MPPED2: variants seen among roughly 807,000 people sequenced by gnomAD.
MPPED2 encodes the protein metallophosphoesterase domain containing 2.
Under a neutral mutation model 33.0 loss-of-function variants are expected in MPPED2, and 5 were observed. That is an observed-to-expected ratio of 0.15 (90% CI 0.08 to 0.32). The LOEUF (loss-of-function observed/expected upper bound fraction) is 0.32, where lower values mean the gene tolerates loss of function less well. MPPED2 is among the 10% of genes least tolerant of loss of function. The pLI is 1.00. For missense variants in MPPED2, 275 were observed against 372.1 expected (o/e 0.74, Z 2.15); for synonymous variants, 136 against 141.9 (o/e 0.96, Z 0.29).
In MPPED2 at chr11:30,437,872, A is replaced by T. The variant is rs74568697; in HGVS notation, c.537-20239T>A. On this transcript the variant is annotated intron_variant, in intron 4 of 6. Transcript: ENST00000358117. ...AAAGCTGATGGGGCCTGAACAACCT[A>T]ACCCAGTCCAACTGATAGCAGCCCA... is the stretch of plus-strand genomic sequence containing the variant. 5.9e-3 allele frequency among the ~76,000 whole-genome samples: 894 copies of T among 152,214 alleles called. 16 individuals are homozygous for T. The highest frequency in any genetic ancestry group is 0.021 in the African/African-American group (853 of 41,540).
intron 2 of MPPED2, among the ~76,000 whole-genome samples, 169 bp downstream of exon 2, chr11:30,580,077 A>G (rs1445586280): frequency 6.6e-6 from 1 of 152,218 alleles, no homozygotes; most frequent in Non-Finnish European, 1.5e-5. Context: ...AATGTTACAC[A>G]GATGTATGGG....
At chr11:30,405,293 A>C (rs1229490292), downstream of MPPED2, among the ~76,000 whole-genome samples, 3 of 152,206 alleles carry the variant, frequency 2.0e-5, no homozygotes, top group African/African-American at 7.2e-5. Flanking sequence ...ATGGGCTATG[A>C]AATCACAGGC....
chr11:30,581,375 G>T (rs768401010), intron 1 of MPPED2, among the ~76,000 whole-genome samples: 5 of 152,108 alleles, frequency 3.3e-5, no homozygotes, highest in South Asian at 2.1e-4. Flanking sequence ...TTGCTGCACT[G>T]GGTTGAGAAA....
At chr11:30,494,212 C>A (rs779312727) in intron 4 of MPPED2, among the ~76,000 whole-genome samples, 5 of 151,968 alleles carry the variant, frequency 3.3e-5, no homozygotes, top group Non-Finnish European at 5.9e-5. Flanking sequence ...CTAATCTAAG[C>A]AAGATATTTT....
chr11:30,547,820 G>T (rs1472742826), intron 2 of MPPED2, among the ~76,000 whole-genome samples: 1 of 101,716 alleles, frequency 9.8e-6, no homozygotes, highest in East Asian at 2.1e-4. Flanking sequence ...ACAGGTGTTT[G>T]CATATCTGTA....
intron 4 of MPPED2, among the ~76,000 whole-genome samples, chr11:30,439,113 G>C (rs925168873): frequency 7.9e-5 from 12 of 152,220 alleles, no homozygotes; most frequent in African/African-American, 2.9e-4. Context: ...GAAAGGAATG[G>C]AGTCTAGTTA....
intron 2 of MPPED2, among the ~76,000 whole-genome samples, chr11:30,570,142 T>C (rs1956627720): frequency 6.6e-6 from 1 of 152,110 alleles, no homozygotes; most frequent in Non-Finnish European, 1.5e-5. Context: ...ATAAAAGACA[T>C]GCATTTATCT....
intron 5 of MPPED2, 85 bp from the exon 6 acceptor site, chr11:30,414,426 G>A: frequency 1.2e-6 from 1 of 867,026 alleles, no homozygotes; most frequent in Non-Finnish European, 2.0e-6. Flanking sequence ...ATAACTCACA[G>A]AAGGTTTATT....
intron 4 of MPPED2, among the ~76,000 whole-genome samples, chr11:30,481,166 C>T (rs10835672): frequency 0.33 from 49,772 of 151,860 alleles, 8,299 homozygotes; most frequent in Middle Eastern, 0.44. Flanking sequence ...TATTAATAGG[C>T]GACCTTTCCT....
At chr11:30,416,015 G>A (rs989934667) in intron 5 of MPPED2, among the ~76,000 whole-genome samples, 1 of 152,258 alleles carries the variant, frequency 6.6e-6, no homozygotes. Flanking sequence ...GGTAACTCAT[G>A]CTGATCACAA....
chr11:30,536,089 C>T lies in MPPED2; in HGVS notation c.215G>A (p.Gly72Asp). The T allele has an allele frequency of 6.2e-7, 1 of 1,613,586 alleles. No individual in the cohort carries two copies. Among genetic ancestry groups the T allele is most frequent in the Non-Finnish European group, 8.5e-7 (1 of 1,179,826 alleles). ...CISDTHSRTD[G>D]IQMPYGDILL... ...GATGTCCCCATAAGGCATCTGGATA[C>T]CATCTGTTCTGGAGTGTGTGTCTGA... The change falls in exon 3 of 7, where the codon GGT becomes GAT. Residue 72 changes from glycine (G) to aspartate (D), a missense_variant. Physicochemically the swap from Gly to Asp is moderately conservative, Grantham distance 94. Transcript: ENST00000358117.
chr11:30,396,071 C>T (rs1947836741), intron 6 of MPPED2, among the ~76,000 whole-genome samples: 1 of 152,170 alleles, frequency 6.6e-6, no homozygotes. Context: ...CAGCAAGGCT[C>T]TGGATTTCAG....
intron 3 of MPPED2, among the ~76,000 whole-genome samples, chr11:30,519,382 A>G (rs1953723956): frequency 6.6e-6 from 1 of 152,058 alleles, no homozygotes; most frequent in South Asian, 2.1e-4. Context: ...TCATATATAT[A>G]CACATATATA....
intron 2 of MPPED2, among the ~76,000 whole-genome samples, chr11:30,539,945 G>A (rs1307692720): frequency 6.6e-6 from 1 of 152,080 alleles, no homozygotes; most frequent in Admixed American, 6.5e-5. Context: ...TTCATTCTGA[G>A]GTTTCCAGAG....
At chr11:30,504,831 G>A in intron 3 of MPPED2, 8 of 1,280,316 alleles carry the variant, frequency 6.2e-6, no homozygotes, top group South Asian at 2.5e-5. Context: ...TGGGAAACCA[G>A]GTCTAAGAAA....
At chr11:30,453,664 T>C (rs1950158939) in intron 4 of MPPED2, among the ~76,000 whole-genome samples, 1 of 152,216 alleles carries the variant, frequency 6.6e-6, no homozygotes, top group South Asian at 2.1e-4. Flanking sequence ...TTTCTGGTCA[T>C]TTTCTACAGT....
intron 4 of MPPED2, among the ~76,000 whole-genome samples, chr11:30,456,668 A>G (rs148953126): frequency 9.8e-5 from 15 of 152,304 alleles, no homozygotes; most frequent in African/African-American, 3.4e-4. Context: ...AACCCTAAGA[A>G]TCAAATAGAA....
At chr11:30,423,753 C>T (rs1295304706) in intron 4 of MPPED2, among the ~76,000 whole-genome samples, 3 of 152,118 alleles carry the variant, frequency 2.0e-5, no homozygotes, top group Admixed American at 2.0e-4. Flanking sequence ...TAATGTACAG[C>T]TTTTAATTTA....
chr11:30,445,809 A>G (rs1030777292), intron 4 of MPPED2, among the ~76,000 whole-genome samples: 3 of 152,206 alleles, frequency 2.0e-5, no homozygotes, highest in African/African-American at 7.2e-5. Context: ...AGGCTGATTA[A>G]TATTCCATTT....
Sources: gnomAD v4.1 joint callset for allele counts (sites outside exome capture counted in the v4.1 genomes callset) on GRCh38, gnomAD v4.1.1 for gene constraint, MANE v1.5 for transcripts, NCBI Gene and HGNC (gene_info 2026-07-23, HGNC 2026-07-21) for gene names.